NDUFAF2: variants seen among roughly 807,000 people sequenced by gnomAD.
NDUFAF2 encodes NADH:ubiquinone oxidoreductase complex assembly factor 2, also known as NADH dehydrogenase [ubiquinone] 1 alpha subcomplex assembly factor 2.
NDUFAF2 carries 13 observed loss-of-function variants against 22.8 expected under a neutral mutation model. The observed-to-expected ratio is 0.57, with a 90% confidence interval of 0.37 to 0.91. The LOEUF (loss-of-function observed/expected upper bound fraction) is 0.91. NDUFAF2 is among the 40% of genes least tolerant of loss of function. The pLI is 0.01. For synonymous variants in NDUFAF2, 53 were observed against 64.2 expected (o/e 0.83, Z 0.84); for missense variants, 162 against 195.2 (o/e 0.83, Z 1.01).
chr5:60,975,364 A>G (rs1463189878), intron 1 of NDUFAF2, among the ~76,000 whole-genome samples: 1 of 152,038 alleles, frequency 6.6e-6, no homozygotes, highest in Non-Finnish European at 1.5e-5. Context: ...GAATTGTATC[A>G]GCTGAAATGG....
rs557070231 is a variant in NDUFAF2, at chr5:61,122,310, T to G, written c.258+23278T>G. Among the ~76,000 whole-genome samples, 6 of 152,304 alleles carry G rather than the reference T, an allele frequency of 3.9e-5. No individual in the cohort carries two copies. In the East Asian group the frequency reaches 1.2e-3, roughly 29 times the overall value. ...CACTAAAGGTCATACTCTTAAAAAG[T>G]TTGAAAACTTACTAATCTTGAGAGT... On this transcript the variant is annotated intron_variant, in intron 3 of 3. Transcript: ENST00000296597.
At chr5:61,008,396 T>C (rs1258112245) in intron 1 of NDUFAF2, among the ~76,000 whole-genome samples, 1 of 152,162 alleles carries the variant, frequency 6.6e-6, no homozygotes, top group Admixed American at 6.6e-5. Context: ...CAAGCAAGTG[T>C]ATACAGATAG....
At chr5:60,949,264 T>G (rs559782176) in intron 1 of NDUFAF2, among the ~76,000 whole-genome samples, 1 of 152,294 alleles carries the variant, frequency 6.6e-6, no homozygotes, top group Admixed American at 6.5e-5. Flanking sequence ...CCATTATACT[T>G]TTTTCCATTT....
At chr5:61,028,634 T>C (rs371143975) in intron 1 of NDUFAF2, among the ~76,000 whole-genome samples, 22 of 152,148 alleles carry the variant, frequency 1.4e-4, no homozygotes, top group African/African-American at 4.6e-4. Flanking sequence ...GCAGTTTTTT[T>C]CTACTAAAAA....
intron 1 of NDUFAF2, among the ~76,000 whole-genome samples, chr5:60,987,826 A>G (rs1163914981): frequency 6.6e-6 from 1 of 152,206 alleles, no homozygotes; most frequent in African/African-American, 2.4e-5. Context: ...ATCATACTGA[A>G]TGGGCAAAGC....
chr5:61,029,677 A>G (rs913048757), intron 1 of NDUFAF2, among the ~76,000 whole-genome samples: 6 of 152,162 alleles, frequency 3.9e-5, no homozygotes, highest in Non-Finnish European at 7.4e-5. Context: ...GACGTGCACC[A>G]GTGAACAGAG....
intron 1 of NDUFAF2, among the ~76,000 whole-genome samples, chr5:60,951,422 C>A (rs1306247561): frequency 6.6e-6 from 1 of 152,118 alleles, no homozygotes; most frequent in Admixed American, 6.6e-5. Context: ...TTGGTTGCTT[C>A]CAAGTTTTGG....
intron 1 of NDUFAF2, among the ~76,000 whole-genome samples, chr5:61,053,586 G>A (rs1249979520): frequency 6.6e-6 from 1 of 152,198 alleles, no homozygotes; most frequent in African/African-American, 2.4e-5. Flanking sequence ...CAGGGGTCAT[G>A]TACCCATCCC....
chr5:61,018,624 A>G (rs1471276897), intron 1 of NDUFAF2, among the ~76,000 whole-genome samples: 1 of 152,142 alleles, frequency 6.6e-6, no homozygotes, highest in Non-Finnish European at 1.5e-5. Flanking sequence ...TATTTATTCA[A>G]TACCAGTTTA....
At chr5:61,077,225 T>C (rs1406113326) in intron 2 of NDUFAF2, among the ~76,000 whole-genome samples, 2 of 152,072 alleles carry the variant, frequency 1.3e-5, no homozygotes, top group African/African-American at 4.8e-5. Context: ...ACACACAGAA[T>C]GAGTGTAAAT....
At chr5:61,027,803 G>T (rs185316629) in intron 1 of NDUFAF2, among the ~76,000 whole-genome samples, 3 of 151,726 alleles carry the variant, frequency 2.0e-5, no homozygotes, top group Admixed American at 2.0e-4. Context: ...TTCATCACCC[G>T]ATCAAATCAA....
intron 3 of NDUFAF2, chr5:61,114,797 G>T (rs879661143): frequency 2.0e-5 from 3 of 152,046 alleles, no homozygotes; most frequent in Admixed American, 2.0e-4. Flanking sequence ...TTGCAGACTT[G>T]TAGAAGTATT....
intron 1 of NDUFAF2, among the ~76,000 whole-genome samples, chr5:61,064,187 G>C (rs1043488254): frequency 1.3e-5 from 2 of 152,108 alleles, no homozygotes; most frequent in Non-Finnish European, 2.9e-5. Context: ...AATTAATGAA[G>C]AGGACATAAC....
At chr5:61,152,216 G>A (rs1201588619) in intron 3 of NDUFAF2, among the ~76,000 whole-genome samples, 1 of 151,982 alleles carries the variant, frequency 6.6e-6, no homozygotes, top group Non-Finnish European at 1.5e-5. Context: ...GAAGAGAAAG[G>A]GAAATATTAA....
chr5:61,074,836 C>T (rs2059064), intron 2 of NDUFAF2, among the ~76,000 whole-genome samples: 116,692 of 152,142 alleles, frequency 0.77, 45,052 homozygotes, highest in East Asian at 1. Flanking sequence ...TGACTCACAG[C>T]TCCGCATAGC....
chr5:61,095,514 C>T (rs1044092210), intron 2 of NDUFAF2, among the ~76,000 whole-genome samples: 3 of 152,212 alleles, frequency 2.0e-5, no homozygotes, highest in Non-Finnish European at 4.4e-5. Context: ...TCGATTCAGC[C>T]TTCTTCCTAG....
intron 2 of NDUFAF2, among the ~76,000 whole-genome samples, chr5:61,086,415 T>C (rs1276765273): frequency 6.6e-6 from 1 of 152,130 alleles, no homozygotes; most frequent in African/African-American, 2.4e-5. Context: ...TAAATCTACA[T>C]TTATCAAGGT....
chr5:60,962,655 ACCCC>A (rs1750704479), intron 1 of NDUFAF2, among the ~76,000 whole-genome samples: 1 of 151,740 alleles, frequency 6.6e-6, no homozygotes, highest in Non-Finnish European at 1.5e-5. Flanking sequence ...ACACGGTGAA[ACCCC>A]ATCTCTACTA....
Position 60,945,663 on chromosome 5 carries a change from G to A in NDUFAF2, c.127+281G>A, listed in dbSNP as rs4647032. Among the ~76,000 whole-genome samples, 6 of 152,312 alleles carry A rather than the reference G, an allele frequency of 3.9e-5. No individual in the cohort carries two copies. In the East Asian group the frequency reaches 7.7e-4, roughly 20 times the overall value. On this transcript the variant is annotated intron_variant, in intron 1 of 3. Coordinates refer to ENST00000296597, the MANE Select transcript of NDUFAF2 (RefSeq NM_174889.5). ...CCCGGGCTGCTTGCGCTGTTAAGGC[G>A]CACCACCACTTTCCTCCCAGCCACG... is the stretch of plus-strand genomic sequence containing the variant.
Sources: allele counts gnomAD v4.1 joint callset (sites outside exome capture counted in the v4.1 genomes callset), GRCh38; gene constraint gnomAD v4.1.1; transcripts MANE v1.5; gene names NCBI Gene and HGNC (gene_info 2026-07-23, HGNC 2026-07-21).